KCNIP1: variants seen among roughly 807,000 people sequenced by gnomAD.
KCNIP1 encodes the protein potassium voltage-gated channel interacting protein 1.
A neutral mutation model predicts 33.0 loss-of-function variants in KCNIP1; 18 were observed. The observed-to-expected ratio is 0.55, with a 90% confidence interval of 0.38 to 0.81. The LOEUF is 0.81. KCNIP1 is among the 30% of genes least tolerant of loss of function. The probability of loss-of-function intolerance (pLI) is 0.00; values close to 1 mark genes in which losing one functional copy is unlikely to be tolerated. For synonymous variants in KCNIP1, 93 were observed against 98.3 expected (o/e 0.95, Z 0.32); for missense variants, 238 against 271.6 (o/e 0.88, Z 0.87).
At chr5:170,705,181 A>G (rs1031893936) in intron 1 of KCNIP1, among the ~76,000 whole-genome samples, 1 of 152,246 alleles carries the variant, frequency 6.6e-6, no homozygotes, top group Non-Finnish European at 1.5e-5. Context: ...CAAAAGAAGG[A>G]AACAATCAAA....
At position 170,722,721 on chromosome 5, in the gene KCNIP1, A is replaced by G; in HGVS notation, c.336A>G (p.Val112=). ...QTGSVKFEDF[V]TALSILLRGT... ...CCTTTTCCCCTTCTCAGGACTTTGT[A>G]ACCGCTCTGTCGATTTTATTGAGAG... Residue 112 remains valine, a synonymous_variant, in exon 5 of 8, where the codon GTA becomes GTG. Transcript: ENST00000328939. 6 of 1,611,996 alleles carry G rather than the reference A, an allele frequency of 3.7e-6. No individual in the cohort carries two copies. The highest frequency in any genetic ancestry group is 3.3e-5 in the South Asian group (3 of 91,028).
chr5:170,629,620 T>C (rs1168616959), intron 1 of KCNIP1, among the ~76,000 whole-genome samples: 1 of 152,128 alleles, frequency 6.6e-6, no homozygotes, highest in Non-Finnish European at 1.5e-5. Context: ...CCTTTGCTGG[T>C]CCCTCCCTAG....
At chr5:170,580,640 A>G (rs1474401760) in intron 1 of KCNIP1, among the ~76,000 whole-genome samples, 2 of 152,206 alleles carry the variant, frequency 1.3e-5, no homozygotes, top group African/African-American at 4.8e-5. Context: ...ACTCAGAACT[A>G]TATAACATAA....
intron 1 of KCNIP1, among the ~76,000 whole-genome samples, chr5:170,507,473 C>T (rs965112291): frequency 1.2e-4 from 18 of 152,106 alleles, no homozygotes; most frequent in East Asian, 3.9e-4. Context: ...AGGCCATTTT[C>T]GAAGTAGGCA....
At chr5:170,431,511 A>G (rs1581186294) in intron 1 of KCNIP1, among the ~76,000 whole-genome samples, 1 of 152,198 alleles carries the variant, frequency 6.6e-6, no homozygotes, top group Admixed American at 6.5e-5. Context: ...TGGGATCCCC[A>G]CGCAGCTGAG....
intron 1 of KCNIP1, among the ~76,000 whole-genome samples, chr5:170,690,593 T>G (rs563841304): frequency 6.6e-6 from 1 of 152,322 alleles, no homozygotes; most frequent in South Asian, 2.1e-4. Flanking sequence ...TATGATAATT[T>G]TTTCAAGTCC....
chr5:170,381,553 G>A (rs755300098), intron 1 of KCNIP1, among the ~76,000 whole-genome samples: 1 of 152,196 alleles, frequency 6.6e-6, no homozygotes, highest in Non-Finnish European at 1.5e-5. Flanking sequence ...CAACCCAGCT[G>A]CTTGGCAAAA....
chr5:170,357,621 C>G (rs556902071), intron 1 of KCNIP1, among the ~76,000 whole-genome samples: 13 of 152,312 alleles, frequency 8.5e-5, no homozygotes, highest in African/African-American at 3.1e-4. Flanking sequence ...CCTCGACTTT[C>G]TGGGCTCAAG....
chr5:170,445,624 A>C (rs1037578383), intron 1 of KCNIP1, among the ~76,000 whole-genome samples: 22 of 152,332 alleles, frequency 1.4e-4, no homozygotes, highest in African/African-American at 4.8e-4. Context: ...CAGAGCTTGG[A>C]TGTGAACCTG....
intron 1 of KCNIP1, among the ~76,000 whole-genome samples, chr5:170,479,719 T>A (rs906981564): frequency 6.6e-6 from 1 of 152,214 alleles, no homozygotes; most frequent in Admixed American, 6.5e-5. Context: ...CTGTGATGCA[T>A]TGGTAGGATA....
rs70979196 is a variant in KCNIP1, at chr5:170,682,784, CTTTTTTTT to C, written c.62-35956_62-35949del. 1.4e-4 allele frequency among the ~76,000 whole-genome samples: 10 copies of C among 71,392 alleles called. No individual in the cohort carries two copies. The South Asian group carries it at 4.9e-3, about 35-fold the overall frequency. The allele number at this position is 71,392 out of a possible 152,430, so 46.8% of individuals were successfully genotyped here. On this transcript the variant is annotated intron_variant, in intron 1 of 7. Transcript: ENST00000328939. ...CAACAGCGTCCTATTTTCTTTGTTT[CTTTTTTTT>C]TTTTTTTTTTTTTTTTTGATGAGAC...
intron 1 of KCNIP1, among the ~76,000 whole-genome samples, chr5:170,706,496 T>C (rs143377691): frequency 0.011 from 1,704 of 152,304 alleles, 28 homozygotes; most frequent in African/African-American, 0.039. Flanking sequence ...AGTTGTCAGA[T>C]ATCTACCAGC....
intron 1 of KCNIP1, among the ~76,000 whole-genome samples, chr5:170,519,969 G>C (rs1183992944): frequency 1.3e-5 from 2 of 152,120 alleles, no homozygotes; most frequent in African/African-American, 2.4e-5. Flanking sequence ...GAAATGAACA[G>C]AATCTGGGCT....
At chr5:170,439,932 C>T (rs1467383392) in intron 1 of KCNIP1, among the ~76,000 whole-genome samples, 3 of 152,198 alleles carry the variant, frequency 2.0e-5, no homozygotes, top group Non-Finnish European at 1.5e-5. Context: ...AGGCGGCCAT[C>T]CCCGTGCCAC....
Position 170,614,199 on chromosome 5 carries a change from C to G in KCNIP1, c.62-104559C>G, listed in dbSNP as rs372971331. Among the ~76,000 whole-genome samples the G allele has an allele frequency of 3.9e-5, 6 of 152,304 alleles. No homozygotes were observed. In the South Asian group the frequency reaches 1.2e-3, roughly 32 times the overall value. On this transcript the variant is annotated intron_variant, in intron 1 of 7. Coordinates refer to ENST00000328939, the MANE Select transcript of KCNIP1 (RefSeq NM_014592.4). The stretch of plus-strand genomic sequence containing the variant: ...AATATTGCCGCAGCCAGGAGGAAAG[C>G]CTGATTCCCTGCAGATGGGGCCATT...
intron 5 of KCNIP1, among the ~76,000 whole-genome samples, chr5:170,729,459 G>T (rs1358286291): frequency 1.3e-5 from 2 of 152,104 alleles, no homozygotes; most frequent in African/African-American, 4.8e-5. Flanking sequence ...GCACATGGTA[G>T]ATGCGTAAAA....
chr5:170,435,954 C>T (rs147442217), intron 1 of KCNIP1, among the ~76,000 whole-genome samples: 1,641 of 152,244 alleles, frequency 0.011, 22 homozygotes, highest in Non-Finnish European at 0.016. Context: ...TGCAGCACTG[C>T]CCCCTCGATC....
chr5:170,480,073 T>C (rs1256849096), intron 1 of KCNIP1, among the ~76,000 whole-genome samples: 1 of 152,216 alleles, frequency 6.6e-6, no homozygotes, highest in South Asian at 2.1e-4. Context: ...CAAAACGTCA[T>C]ACTGATTGAA....
At chr5:170,508,946 G>A (rs1216749223) in intron 1 of KCNIP1, among the ~76,000 whole-genome samples, 1 of 152,118 alleles carries the variant, frequency 6.6e-6, no homozygotes, top group African/African-American at 2.4e-5. Flanking sequence ...GGTTCTTGGG[G>A]GTAGGAGCTC....
Sources: gnomAD v4.1 joint callset for allele counts (sites outside exome capture counted in the v4.1 genomes callset) on GRCh38, gnomAD v4.1.1 for gene constraint, MANE v1.5 for transcripts, NCBI Gene and HGNC (gene_info 2026-07-23, HGNC 2026-07-21) for gene names.